FIRRM: variants seen among roughly 807,000 people sequenced by gnomAD.
The protein encoded by FIRRM is FIGNL1-interacting regulator of recombination and mitosis.
the FIRRM span, chr1:169,795,166 G>C: frequency 6.5e-7 from 1 of 1,536,126 alleles, no homozygotes; most frequent in South Asian, 1.2e-5. Flanking sequence ...TAGCTGGCCA[G>C]AGGAGCTATG....
the FIRRM span, chr1:169,851,648 A>G: frequency 1.6e-5 from 12 of 751,616 alleles, no homozygotes; most frequent in Non-Finnish European, 2.6e-5. Context: ...AGAACACAGT[A>G]GAGTGATTTA....
chr1:169,833,765 T>A, the FIRRM span, among the ~76,000 whole-genome samples: 1 of 151,972 alleles, frequency 6.6e-6, no homozygotes, highest in Non-Finnish European at 1.5e-5. Flanking sequence ...ACAAAAGAAT[T>A]TTCTACTCCA....
the FIRRM span, among the ~76,000 whole-genome samples, chr1:169,848,197 T>G: frequency 6.6e-6 from 1 of 152,188 alleles, no homozygotes; most frequent in Non-Finnish European, 1.5e-5. Flanking sequence ...AAGACGATAT[T>G]TTTGAAAGTG....
chr1:169,787,116 G>A, the FIRRM span, among the ~76,000 whole-genome samples: 2 of 152,138 alleles, frequency 1.3e-5, no homozygotes, highest in Non-Finnish European at 2.9e-5. Flanking sequence ...GGGGCGATAG[G>A]GACAGATTTC....
the FIRRM span, among the ~76,000 whole-genome samples, chr1:169,785,071 A>G: frequency 1.3e-5 from 2 of 152,218 alleles, no homozygotes; most frequent in Non-Finnish European, 2.9e-5. Flanking sequence ...TTCCTATTAC[A>G]AAAATGCCCC....
the FIRRM span, chr1:169,849,936 G>T: frequency 2.1e-6 from 1 of 467,378 alleles, no homozygotes; most frequent in Non-Finnish European, 3.8e-6. Flanking sequence ...CAGTCATAAG[G>T]GTTAGGCTGA....
At chr1:169,826,933 T>A in the FIRRM span, 3 of 888,622 alleles carry the variant, frequency 3.4e-6, no homozygotes, top group Non-Finnish European at 3.3e-6. Flanking sequence ...CACACTTATT[T>A]TTAAAAACTT....
At chr1:169,826,468 T>C in the FIRRM span, among the ~76,000 whole-genome samples, 2 of 151,416 alleles carry the variant, frequency 1.3e-5, no homozygotes, top group South Asian at 2.1e-4. Context: ...TTTCAAGTGA[T>C]TCTCCTGCCT....
At chr1:169,819,016 T>G in the FIRRM span, among the ~76,000 whole-genome samples, 2 of 152,300 alleles carry the variant, frequency 1.3e-5, no homozygotes, top group East Asian at 3.9e-4. Context: ...GATTACTGGC[T>G]TTAGGGTAGA....
At chr1:169,798,311 A>G in the FIRRM span, among the ~76,000 whole-genome samples, 1 of 149,736 alleles carries the variant, frequency 6.7e-6, no homozygotes, top group East Asian at 2.0e-4. Flanking sequence ...AGTCTCGCCT[A>G]TGCTGGAGTG....
At chr1:169,835,796 A>G in the FIRRM span, among the ~76,000 whole-genome samples, 6 of 152,200 alleles carry the variant, frequency 3.9e-5, no homozygotes, top group African/African-American at 1.2e-4. Flanking sequence ...TTATAAAGAA[A>G]GGTGATATTT....
chr1:169,798,110 C>G, the FIRRM span, among the ~76,000 whole-genome samples: 3 of 152,228 alleles, frequency 2.0e-5, no homozygotes, highest in Non-Finnish European at 4.4e-5. Context: ...AGAAAAATTT[C>G]TTGTAATAGA....
the FIRRM span, chr1:169,852,630 A>G: frequency 1.5e-6 from 1 of 684,944 alleles, no homozygotes; most frequent in Non-Finnish European, 2.4e-6. Flanking sequence ...GCCTTTACAT[A>G]TTTTTCTAGA....
the FIRRM span, among the ~76,000 whole-genome samples, chr1:169,786,012 T>G: frequency 1.3e-5 from 2 of 152,172 alleles, no homozygotes; most frequent in African/African-American, 2.4e-5. Flanking sequence ...CTTAAGAATC[T>G]CTAATGATTT....
chr1:169,827,146 G>A, the FIRRM span: 2 of 1,613,718 alleles, frequency 1.2e-6, no homozygotes, highest in South Asian at 1.1e-5. Flanking sequence ...CCACTTATCA[G>A]TCAGCTGCTC....
chr1:169,841,642 T>A, the FIRRM span, among the ~76,000 whole-genome samples: 1 of 152,248 alleles, frequency 6.6e-6, no homozygotes, highest in East Asian at 1.9e-4. Context: ...TAGTATTTTT[T>A]AAGTACTATC....
At chr1:169,853,090 C>G in the FIRRM span, 1 of 1,059,900 alleles carries the variant, frequency 9.4e-7, no homozygotes, top group Non-Finnish European at 1.4e-6. Flanking sequence ...AAAGTTGAAT[C>G]TAGTGAAAAT....
chr1:169,852,855 A>G, the FIRRM span: 1 of 1,614,170 alleles, frequency 6.2e-7, no homozygotes, highest in East Asian at 2.2e-5. Context: ...CGCTGCATAC[A>G]ATAGCAGGGG....
chr1:169,832,786 C>T, the FIRRM span, among the ~76,000 whole-genome samples: 5 of 151,848 alleles, frequency 3.3e-5, no homozygotes, highest in African/African-American at 7.3e-5. Context: ...AAAAAAATTA[C>T]TTGTAGAGAC....
Sources: gnomAD v4.1 joint callset for allele counts (sites outside exome capture counted in the v4.1 genomes callset) on GRCh38, gnomAD v4.1.1 for gene constraint, MANE v1.5 for transcripts, NCBI Gene and HGNC (gene_info 2026-07-23, HGNC 2026-07-21) for gene names.